Variants in FGF14 observed in about 807,000 individuals in gnomAD.
FGF14 encodes the protein fibroblast growth factor 14.
A neutral mutation model predicts 25.5 loss-of-function variants in FGF14; 5 were observed. The ratio of observed to expected loss-of-function variants is 0.20; its 90% CI spans 0.10 to 0.41. FGF14 has a LOEUF of 0.41. Among genes scored for constraint, FGF14 ranks in the 10% least tolerant of loss-of-function variants. The probability of loss-of-function intolerance (pLI) is 1.00; values close to 1 mark genes in which losing one functional copy is unlikely to be tolerated. For missense variants in FGF14, 222 were observed against 320.1 expected, an observed-to-expected ratio of 0.69 and a Z score of 2.34; for synonymous variants, 138 against 118.3, an observed-to-expected ratio of 1.17 and a Z score of -1.08.
Position 101,883,858 on chromosome 13 carries a change from T to G in FGF14, c.194-8562A>C, listed in dbSNP as rs185424178. On this transcript the variant is annotated intron_variant, in intron 1 of 4. Coordinates refer to ENST00000376143, the MANE Select transcript of FGF14 (RefSeq NM_004115.4). ...CTGGCGGATCACCTGAGGTCAGGAG[T>G]TCAACACCAGCTTGGCCTACATGGT... 6.7e-5 allele frequency among the ~76,000 whole-genome samples: 10 copies of G among 148,364 alleles called. No homozygotes were observed. In the East Asian group the frequency reaches 2.0e-3, roughly 30 times the overall value.
intron 3 of FGF14, among the ~76,000 whole-genome samples, chr13:101,756,855 TTC>T (rs2037701686): frequency 6.6e-6 from 1 of 152,228 alleles, no homozygotes; most frequent in Non-Finnish European, 1.5e-5. Flanking sequence ...CCCAGATTTT[TTC>T]TGTCAATAAT....
In FGF14 at chr13:101,916,793, G is replaced by A; in HGVS notation, c.-148C>T. ...CGGGACTGGGGAGAGGGGAAGGGGG[G>A]CTCAGTCCTGACCGGGACCCATCGC... On this transcript the variant is annotated 5_prime_UTR_variant, in exon 1 of 5. Transcript: ENST00000376143. 4.4e-6 allele frequency: 3 copies of A among 680,770 alleles called. No individual in the cohort carries two copies. Among genetic ancestry groups the A allele is most frequent in the East Asian group, 2.9e-5 (1 of 34,228 alleles). The allele number at this position is 680,770 out of a possible 1,614,324, so 42.2% of individuals were successfully genotyped here. A position where few individuals can be genotyped will look rare whatever the true frequency, so the allele number is the denominator to read the frequency against.
intron 3 of FGF14, among the ~76,000 whole-genome samples, chr13:101,790,718 G>A (rs2149259): frequency 0.45 from 68,329 of 151,842 alleles, 17,321 homozygotes; most frequent in Non-Finnish European, 0.57. Context: ...CCATAAAGGT[G>A]TTGGTTAAAT....
At position 101,947,721 on chromosome 13, in the gene FGF14, C is replaced by A. The variant is rs1363273192; in HGVS notation, c.209-72425G>T. Among the ~76,000 whole-genome samples, 3 of 152,136 alleles carry A rather than the reference C, an allele frequency of 2.0e-5. No individual in the cohort carries two copies. In the East Asian group the frequency reaches 5.8e-4, roughly 29 times the overall value. On this transcript the variant is annotated intron_variant, in intron 1 of 4. Transcript: ENST00000376131. ...GAGGGATCATGGATTGAAAAGCTAC[C>A]TACTGGGTACTCTTCCCACTACATA...
intron 1 of FGF14, among the ~76,000 whole-genome samples, chr13:101,876,739 G>A (rs1293113922): frequency 6.6e-6 from 1 of 152,056 alleles, no homozygotes; most frequent in Non-Finnish European, 1.5e-5. Flanking sequence ...CGTTACATAT[G>A]TTCCTTATTC....
chr13:101,949,687 G>A (rs1392457210), intron 1 of FGF14, among the ~76,000 whole-genome samples: 5 of 152,170 alleles, frequency 3.3e-5, no homozygotes, highest in Non-Finnish European at 5.9e-5. Flanking sequence ...AAGAGCTAAA[G>A]AAGAGTTAGT....
chr13:102,138,729 G>C (rs535297378), intron 1 of FGF14, among the ~76,000 whole-genome samples: 1 of 152,292 alleles, frequency 6.6e-6, no homozygotes, highest in South Asian at 2.1e-4. Flanking sequence ...AACAGAAGGA[G>C]CTGGGCAAAT....
chr13:102,305,285 T>C (rs1036801612), intron 1 of FGF14, among the ~76,000 whole-genome samples: 2 of 151,944 alleles, frequency 1.3e-5, no homozygotes, highest in African/African-American at 4.8e-5. Flanking sequence ...ACAAATAGCC[T>C]AACTAATTTA....
At chr13:101,939,312 C>T (rs550155173) in intron 1 of FGF14, among the ~76,000 whole-genome samples, 3 of 152,274 alleles carry the variant, frequency 2.0e-5, no homozygotes, top group Admixed American at 1.3e-4. Flanking sequence ...CCTAAAAATA[C>T]GTTTAAAGTT....
chr13:102,401,585 G>A (rs1287884253), exon 1 of FGF14: 2 of 1,614,062 alleles, frequency 1.2e-6, no homozygotes, highest in African/African-American at 1.3e-5. Context: ...AAGCAATCCA[G>A]CAGCTTAGAC....
At chr13:102,231,620 C>T (rs926909112) in intron 1 of FGF14, among the ~76,000 whole-genome samples, 3 of 152,136 alleles carry the variant, frequency 2.0e-5, no homozygotes, top group African/African-American at 7.2e-5. Flanking sequence ...CCAAATATAG[C>T]ATATGTTATG....
At chr13:101,916,351 G>GT in intron 1 of FGF14, 102 bp downstream of exon 1, 1 of 1,425,784 alleles carries the variant, frequency 7.0e-7, no homozygotes, top group Non-Finnish European at 9.8e-7. Context: ...CGGGGCCGGG[G>GT]TGGGCCGGGA....
intron 1 of FGF14, among the ~76,000 whole-genome samples, chr13:102,080,659 A>T (rs2043576160): frequency 6.6e-6 from 1 of 152,226 alleles, no homozygotes; most frequent in Non-Finnish European, 1.5e-5. Context: ...ACAACCTAAA[A>T]GGATAAATGT....
chr13:101,893,290 T>G (rs1055347500), intron 1 of FGF14, among the ~76,000 whole-genome samples: 1 of 152,200 alleles, frequency 6.6e-6, no homozygotes, highest in African/African-American at 2.4e-5. Context: ...CTCCTGCACC[T>G]TGAGCTGCAT....
At chr13:102,199,444 C>T (rs1174999703) in intron 1 of FGF14, among the ~76,000 whole-genome samples, 1 of 152,148 alleles carries the variant, frequency 6.6e-6, no homozygotes, top group South Asian at 2.1e-4. Context: ...TCAGAACAAC[C>T]CAATGAGCCA....
chr13:101,890,016 C>T (rs2046190417), intron 1 of FGF14, among the ~76,000 whole-genome samples: 1 of 152,096 alleles, frequency 6.6e-6, no homozygotes, highest in African/African-American at 2.4e-5. Flanking sequence ...TCTTTGTGTT[C>T]CCTAATTATG....
intron 1 of FGF14, among the ~76,000 whole-genome samples, chr13:102,075,361 T>G (rs2043316680): frequency 6.6e-6 from 1 of 152,154 alleles, no homozygotes; most frequent in South Asian, 2.1e-4. Flanking sequence ...TGCTGCACAA[T>G]GAATTTGGTT....
intron 3 of FGF14, among the ~76,000 whole-genome samples, chr13:101,863,609 C>G (rs2044540974): frequency 6.6e-6 from 1 of 152,056 alleles, no homozygotes; most frequent in South Asian, 2.1e-4. Flanking sequence ...CGCAATACTC[C>G]ATGAGTGTGT....
intron 1 of FGF14, among the ~76,000 whole-genome samples, chr13:102,327,655 T>C (rs1472317194): frequency 6.6e-6 from 1 of 151,962 alleles, no homozygotes; most frequent in Non-Finnish European, 1.5e-5. Flanking sequence ...GGTAACATAG[T>C]GAGACCCTGC....
Sources: allele counts gnomAD v4.1 joint callset (sites outside exome capture counted in the v4.1 genomes callset), GRCh38; gene constraint gnomAD v4.1.1; transcripts MANE v1.5; gene names NCBI Gene and HGNC (gene_info 2026-07-23, HGNC 2026-07-21).